Variants in DAB2 observed in about 807,000 individuals in gnomAD.
DAB2 encodes the protein DAB adaptor protein 2.
A neutral mutation model predicts 71.6 loss-of-function variants in DAB2; 28 were observed. The observed-to-expected ratio is 0.39, with a 90% CI of 0.29 to 0.54. DAB2 has a LOEUF of 0.54. DAB2 is among the 20% of genes least tolerant of loss of function. The pLI, the probability that DAB2 is intolerant of heterozygous loss-of-function variation, is 0.68. For synonymous variants in DAB2, 345 were observed against 339.7 expected, an observed-to-expected ratio of 1.02 and a Z score of -0.17; for missense variants, 867 against 928.8, an observed-to-expected ratio of 0.93 and a Z score of 0.86.
Position 39,381,459 on chromosome 5 carries a change from C to T in DAB2, c.1499G>A (p.Gly500Asp), listed in dbSNP as rs1579902030. Residue 500 changes from glycine to aspartate, a missense_variant, in exon 11 of 15, where the codon GGT becomes GAT. By Grantham distance (94) the Gly-to-Asp change is moderately conservative. Transcript: ENST00000320816. ...TTTTATCTCTAGGCACCTACCTAGA[C>T]CCACCAGGGGCCCCACTGGGGCAGG... is the stretch of plus-strand genomic sequence containing the variant. ...SAPAPVGPLV[G>D]LGGVTVTLPQ... 3.7e-6 allele frequency: 6 copies of T among 1,613,848 alleles called. No homozygotes were observed. Among genetic ancestry groups the T allele is most frequent in the Non-Finnish European group, 4.2e-6 (5 of 1,179,902 alleles).
chr5:39,385,787 T>G (rs1331613968), intron 9 of DAB2, among the ~76,000 whole-genome samples: 2 of 152,208 alleles, frequency 1.3e-5, no homozygotes, highest in Non-Finnish European at 2.9e-5. Flanking sequence ...TTAAGTGGCT[T>G]ACTGCTGGCT....
chr5:39,390,391 C>G (rs548363628), intron 5 of DAB2, 53 bp downstream of exon 5: 4 of 1,572,808 alleles, frequency 2.5e-6, no homozygotes, highest in African/African-American at 2.7e-5. Context: ...GACAGACACT[C>G]CAATGTCCAC....
intron 9 of DAB2, among the ~76,000 whole-genome samples, chr5:39,383,505 C>T (rs1475187388): frequency 2.6e-5 from 4 of 152,312 alleles, no homozygotes; most frequent in South Asian, 4.1e-4. Context: ...GTCTCAACCT[C>T]ATTAGGTGAA....
intron 1 of DAB2, among the ~76,000 whole-genome samples, chr5:39,404,907 C>T (rs1009337015): frequency 2.6e-5 from 4 of 152,212 alleles, no homozygotes; most frequent in East Asian, 3.9e-4. Context: ...ACCCAATTCA[C>T]GGCAAGTGTC....
rs767124945 is a variant in DAB2 at position 39,389,121 on chromosome 5, T to C, written c.546A>G (p.Ile182Met). 2 of 1,611,778 alleles carry C rather than the reference T, an allele frequency of 1.2e-6. No homozygotes were observed. The highest frequency in any genetic ancestry group is 1.7e-6 in the Non-Finnish European group (2 of 1,178,338). ...CCTCAACTGCTTTGCTGGCTTCCTCTATCTAAAAAGAAAGATACATATTCA... is the reference window on the plus strand; with the variant it reads ...CCTCAACTGCTTTGCTGGCTTCCTCCATCTAAAAAGAAAGATACATATTCA... ...VKKKEEEKKK[I>M]EEASKAVENG... Residue 182 changes from isoleucine (I) to methionine (M), a missense_variant and splice_region_variant, in exon 7 of 15, where the codon ATA becomes ATG. This residue lies in a region of DAB2 where 740 missense variants were observed against 734.3 expected (regional missense o/e 1.01). Transcript: ENST00000320816.
intron 11 of DAB2, 57 bp downstream of exon 11, chr5:39,381,397 A>T (rs1252846641): frequency 1.3e-6 from 2 of 1,552,010 alleles, no homozygotes; most frequent in Non-Finnish European, 1.8e-6. Flanking sequence ...CCGATGCATC[A>T]TCATTTTATG....
intron 1 of DAB2, among the ~76,000 whole-genome samples, chr5:39,412,494 T>C (rs926190769): frequency 6.6e-6 from 1 of 152,146 alleles, no homozygotes; most frequent in Non-Finnish European, 1.5e-5. Flanking sequence ...AAATAAAGAT[T>C]TGTTCCCTTA....
In DAB2 at chr5:39,383,339, C is replaced by T. The variant is rs928082207; in HGVS notation, c.688-68G>A. On this transcript the variant is annotated intron_variant, in intron 9 of 14. Transcript: ENST00000320816. ...GTTGTGACTTCAAATGAGAAAATTA[C>T]ATAAGATGACTAGGATTATCAGAAT... The T allele has an allele frequency of 5.0e-6, 6 of 1,194,172 alleles. No individual in the cohort carries two copies. In the African/African-American group the frequency reaches 6.1e-5, roughly 12 times the overall value. The allele number at this position is 1,194,172 out of a possible 1,614,324, so 74.0% of individuals were successfully genotyped here.
chr5:39,413,035 C>G (rs997297195), intron 1 of DAB2, among the ~76,000 whole-genome samples: 34 of 151,940 alleles, frequency 2.2e-4, no homozygotes, highest in African/African-American at 8.2e-4. Context: ...TTAGGGTGGG[C>G]GATAGCACTC....
intron 11 of DAB2, among the ~76,000 whole-genome samples, chr5:39,380,125 C>T (rs1430137021): frequency 6.6e-6 from 1 of 152,180 alleles, no homozygotes; most frequent in Non-Finnish European, 1.5e-5. Flanking sequence ...ACCAGCTCCA[C>T]TTGGGGGTGC....
At chr5:39,417,780 A>G (rs980273406) in intron 1 of DAB2, among the ~76,000 whole-genome samples, 4 of 152,218 alleles carry the variant, frequency 2.6e-5, no homozygotes, top group Non-Finnish European at 5.9e-5. Context: ...ATCAGAAATC[A>G]CAAAGAACAG....
chr5:39,376,508 G>C, intron 12 of DAB2, 142 bp downstream of exon 12: 1 of 967,096 alleles, frequency 1.0e-6, no homozygotes, highest in Non-Finnish European at 1.5e-6. Flanking sequence ...TGGTTAAGTT[G>C]TCTCCGTAAC....
intron 1 of DAB2, among the ~76,000 whole-genome samples, chr5:39,411,314 T>C (rs552774498): frequency 6.6e-6 from 1 of 152,298 alleles, no homozygotes; most frequent in African/African-American, 2.4e-5. Context: ...ACATAATACT[T>C]AAGCAAGATG....
chr5:39,390,008 T>C, intron 5 of DAB2, 76 bp from the exon 6 acceptor site: 1 of 1,097,826 alleles, frequency 9.1e-7, no homozygotes, highest in Non-Finnish European at 1.3e-6. Context: ...TCAATTATAA[T>C]TCATACTGGG....
intron 9 of DAB2, among the ~76,000 whole-genome samples, chr5:39,383,861 A>T (rs1221952685): frequency 6.6e-6 from 1 of 152,208 alleles, no homozygotes; most frequent in Non-Finnish European, 1.5e-5. Context: ...AAATCGGTCC[A>T]GTTCTTTCCT....
chr5:39,404,591 TTTTTTGAGACAGAGTCTTGC>T (rs1755572481), intron 1 of DAB2, among the ~76,000 whole-genome samples: 1 of 151,712 alleles, frequency 6.6e-6, no homozygotes, highest in Non-Finnish European at 1.5e-5. Context: ...TTTGGGTTTT[TTTTTTGAGACAGAGTCTTGC>T]TCTGTCTCCC....
intron 1 of DAB2, chr5:39,408,306 G>A (rs1438193936): frequency 6.6e-6 from 1 of 152,200 alleles, no homozygotes; most frequent in Non-Finnish European, 1.5e-5. Flanking sequence ...AACAAGATCA[G>A]TTTAACTAAT....
chr5:39,409,527 C>G (rs1462924639), intron 1 of DAB2, among the ~76,000 whole-genome samples: 2 of 152,136 alleles, frequency 1.3e-5, no homozygotes, highest in Non-Finnish European at 2.9e-5. Flanking sequence ...CTTATAAAGT[C>G]TGTAAGTGAG....
rs1252745142 is a variant in DAB2, at chr5:39,376,666, T to C, written c.2121A>G (p.Leu707=). 1 of 1,613,854 alleles carries C rather than the reference T, an allele frequency of 6.2e-7. No individual in the cohort carries two copies. The highest frequency in any genetic ancestry group is 8.5e-7 in the Non-Finnish European group (1 of 1,179,978). The change falls in exon 12 of 15, where the codon CTA becomes CTG. Residue 707 remains leucine (L), a synonymous_variant. Coordinates refer to ENST00000320816, the MANE Select transcript of DAB2 (RefSeq NM_001343.4). The part of the protein sequence containing the change: ...ADHDDFDANQ[L]LNKINEPPKP... Reference sequence around the variant, plus strand: ...GTGGCTTACCATTGATCTTGTTCAATAGTTGATTAGCATCAAAGTCATCAT... The same window carrying C: ...GTGGCTTACCATTGATCTTGTTCAACAGTTGATTAGCATCAAAGTCATCAT...
Sources: allele counts gnomAD v4.1 joint callset (sites outside exome capture counted in the v4.1 genomes callset), GRCh38; gene constraint gnomAD v4.1.1; regional missense constraint gnomAD v4.1.1; transcripts MANE v1.5; gene names NCBI Gene and HGNC (gene_info 2026-07-23, HGNC 2026-07-21).